The following KCNQ5 variants were observed in gnomAD, a reference collection of about 807,000 sequenced individuals.
KCNQ5 encodes the protein potassium voltage-gated channel subfamily KQT member 5.
A neutral mutation model predicts 98.2 loss-of-function variants in KCNQ5; 30 were observed. The ratio of observed to expected loss-of-function variants is 0.31; its 90% CI spans 0.23 to 0.41. The LOEUF is 0.41. Among genes scored for constraint, KCNQ5 ranks in the 10% least tolerant of loss-of-function variants. The pLI, the probability that KCNQ5 is intolerant of heterozygous loss-of-function variation, is 1.00. For missense variants in KCNQ5, 835 were observed against 1,182.5 expected, an observed-to-expected ratio of 0.71 and a Z score of 4.31; for synonymous variants, 458 against 449.4, an observed-to-expected ratio of 1.02 and a Z score of -0.24.
In KCNQ5 at chr6:73,102,903, A is replaced by G. The variant is rs1005950828; in HGVS notation, c.919-2354A>G. ...ATGGAGAAGAGCTTGGAGGTTTCTCATAAAACTAAAAATAGAGCTACCATG... is the reference window on the plus strand; with the variant it reads ...ATGGAGAAGAGCTTGGAGGTTTCTCGTAAAACTAAAAATAGAGCTACCATG... On this transcript the variant is annotated intron_variant, in intron 5 of 13. Coordinates refer to ENST00000370398, the MANE Select transcript of KCNQ5 (RefSeq NM_019842.4). Among the ~76,000 whole-genome samples the G allele has an allele frequency of 5.3e-5, 8 of 152,326 alleles. No individual in the cohort carries two copies. In the South Asian group the frequency reaches 1.2e-3, roughly 24 times the overall value.
chr6:72,872,103 A>G (rs1778234315), intron 1 of KCNQ5, among the ~76,000 whole-genome samples: 1 of 152,192 alleles, frequency 6.6e-6, no homozygotes, highest in African/African-American at 2.4e-5. Context: ...GGATGAATAG[A>G]TGGAAGAGAA....
chr6:72,915,446 A>G (rs756261505), intron 1 of KCNQ5, among the ~76,000 whole-genome samples: 28 of 152,200 alleles, frequency 1.8e-4, no homozygotes, highest in Admixed American at 7.2e-4. Flanking sequence ...TAAAAAAAAA[A>G]TCACAACAAA....
At chr6:72,920,910 C>CA (rs1416457093) in intron 1 of KCNQ5, among the ~76,000 whole-genome samples, 2 of 152,036 alleles carry the variant, frequency 1.3e-5, no homozygotes, top group Non-Finnish European at 2.9e-5. Flanking sequence ...CAATTGGGAA[C>CA]AAAAATTACC....
At chr6:72,623,391 A>AGAGTGTGT (rs1554678872) in intron 1 of KCNQ5, among the ~76,000 whole-genome samples, 2 of 143,042 alleles carry the variant, frequency 1.4e-5, no homozygotes, top group Non-Finnish European at 3.0e-5. Flanking sequence ...GGAGTCAAAG[A>AGAGTGTGT]GTGTGTGTGT....
intron 1 of KCNQ5, among the ~76,000 whole-genome samples, chr6:72,972,496 C>T (rs979229413): frequency 2.6e-5 from 4 of 151,804 alleles, no homozygotes; most frequent in Admixed American, 2.6e-4. Flanking sequence ...CTCCCCTCAC[C>T]CCCTACCCCC....
chr6:72,683,363 C>CTTTTTTT (rs142268901), intron 1 of KCNQ5, among the ~76,000 whole-genome samples: 1 of 113,268 alleles, frequency 8.8e-6, no homozygotes. Context: ...GCCACATATA[C>CTTTTTTT]TTTTTTTTTT....
chr6:72,648,123 C>T (rs1039705313), intron 1 of KCNQ5, among the ~76,000 whole-genome samples: 1 of 152,048 alleles, frequency 6.6e-6, no homozygotes, highest in African/African-American at 2.4e-5. Flanking sequence ...TTATAGCAGT[C>T]ACATTATGTA....
At chr6:72,918,580 C>A (rs945274106) in intron 1 of KCNQ5, among the ~76,000 whole-genome samples, 1 of 151,902 alleles carries the variant, frequency 6.6e-6, no homozygotes, top group Non-Finnish European at 1.5e-5. Flanking sequence ...ACAGAGGTGA[C>A]AGAAAAGTTC....
intron 1 of KCNQ5, among the ~76,000 whole-genome samples, chr6:72,804,848 A>G (rs1252978405): frequency 6.6e-6 from 1 of 152,182 alleles, no homozygotes; most frequent in East Asian, 1.9e-4. Context: ...TCTTTTGGAT[A>G]AAAGTGATTT....
chr6:73,131,686 A>C (rs1188329046), intron 9 of KCNQ5, among the ~76,000 whole-genome samples: 2 of 152,212 alleles, frequency 1.3e-5, no homozygotes, highest in African/African-American at 2.4e-5. Context: ...CTTTGGGATG[A>C]CATGGAAAAC....
rs1772946443 is a variant in KCNQ5, at chr6:72,772,413, A to G, written c.398+149826A>G. Among the ~76,000 whole-genome samples, 3 of 152,324 alleles carry G rather than the reference A, an allele frequency of 2.0e-5. No homozygotes were observed. The Middle Eastern group carries it at 0.01, about 518-fold the overall frequency. On this transcript the variant is annotated intron_variant, in intron 1 of 13. Coordinates refer to ENST00000370398, the MANE Select transcript of KCNQ5 (RefSeq NM_019842.4). ...GTGGACAGCAGGTTATAATATTTAT[A>G]TATAACTCATTATAAATTGTCAAGT...
At chr6:72,706,746 G>A (rs144547051) in intron 1 of KCNQ5, among the ~76,000 whole-genome samples, 4 of 152,130 alleles carry the variant, frequency 2.6e-5, no homozygotes, top group African/African-American at 9.6e-5. Context: ...TAATTTAACC[G>A]AAAAGGAGAC....
rs6936466 is a variant in KCNQ5 at position 72,968,315 on chromosome 6, A to G, written c.399-35593A>G. The stretch of plus-strand genomic sequence containing the variant: ...AAAACAGTCTGGGGAATACTGAATT[A>G]GAGAACCGTGTGAGACATTTTATTA... On this transcript the variant is annotated intron_variant, in intron 1 of 13. Coordinates refer to ENST00000370398, the MANE Select transcript of KCNQ5 (RefSeq NM_019842.4). 2.2e-3 allele frequency among the ~76,000 whole-genome samples: 338 copies of G among 152,332 alleles called. 2 individuals are homozygous for G. Among genetic ancestry groups the G allele is most frequent in the African/African-American group, 7.8e-3 (325 of 41,578 alleles).
chr6:72,764,008 C>G (rs992239154), intron 1 of KCNQ5, among the ~76,000 whole-genome samples: 2 of 151,648 alleles, frequency 1.3e-5, no homozygotes, highest in Admixed American at 6.6e-5. Flanking sequence ...GATTCAGTAC[C>G]TCTAAGTTAC....
At chr6:72,740,188 A>T (rs1460755327) in intron 1 of KCNQ5, among the ~76,000 whole-genome samples, 1 of 152,208 alleles carries the variant, frequency 6.6e-6, no homozygotes, top group African/African-American at 2.4e-5. Context: ...AACTATCTTC[A>T]GTTCAAAAAT....
chr6:72,625,154 G>A (rs1379241250), intron 1 of KCNQ5, among the ~76,000 whole-genome samples: 1 of 152,138 alleles, frequency 6.6e-6, no homozygotes, highest in Non-Finnish European at 1.5e-5. Flanking sequence ...AACAAGAAAA[G>A]CATGTTTAAA....
intron 1 of KCNQ5, among the ~76,000 whole-genome samples, chr6:72,886,515 T>A (rs1402794808): frequency 6.6e-6 from 1 of 152,084 alleles, no homozygotes. Context: ...GAAAAGGAAA[T>A]ATTTTAGAAT....
intron 1 of KCNQ5, among the ~76,000 whole-genome samples, chr6:72,933,428 C>A (rs962978101): frequency 6.6e-6 from 1 of 152,080 alleles, no homozygotes; most frequent in Non-Finnish European, 1.5e-5. Context: ...AGTCTGTTGG[C>A]GGTGGAGGGG....
At chr6:72,763,551 T>G (rs1171240324) in intron 1 of KCNQ5, among the ~76,000 whole-genome samples, 1 of 152,096 alleles carries the variant, frequency 6.6e-6, no homozygotes, top group Non-Finnish European at 1.5e-5. Flanking sequence ...AATATCTGAA[T>G]GCTTAGAATG....
Sources: gnomAD v4.1 joint callset for allele counts (sites outside exome capture counted in the v4.1 genomes callset) on GRCh38, gnomAD v4.1.1 for gene constraint, MANE v1.5 for transcripts, NCBI Gene and HGNC (gene_info 2026-07-23, HGNC 2026-07-21) for gene names.